Variants in LY96 observed in about 807,000 individuals in gnomAD.
The protein encoded by LY96 is myeloid differentiation protein-2.
In LY96, 18 loss-of-function variants were observed where a neutral mutation model predicts 18.9. The ratio of observed to expected loss-of-function variants is 0.95; its 90% CI spans 0.66 to 1.41. The LOEUF (loss-of-function observed/expected upper bound fraction) is 1.41, where lower values mean the gene tolerates loss of function less well. LY96 is among the 40% of genes most tolerant of loss of function. The pLI is 0.00. For synonymous variants in LY96, 66 were observed against 62.6 expected (o/e 1.06, Z -0.26); for missense variants, 175 against 182.4 (o/e 0.96, Z 0.23).
At chr8:74,025,530 C>T (rs754016984) in intron 3 of LY96, among the ~76,000 whole-genome samples, 3 of 151,678 alleles carry the variant, frequency 2.0e-5, no homozygotes, top group Non-Finnish European at 4.4e-5. Context: ...TGGTGGGTGT[C>T]TGTAATCCCA....
the LY96 span, among the ~76,000 whole-genome samples, chr8:74,097,998 G>T: frequency 0.055 from 8,384 of 152,170 alleles, 413 homozygotes; most frequent in African/African-American, 0.13. Context: ...TTTAGAGCAG[G>T]TATGGTTTTT....
the LY96 span, among the ~76,000 whole-genome samples, chr8:74,098,941 G>A: frequency 6.6e-6 from 1 of 152,144 alleles, no homozygotes; most frequent in Non-Finnish European, 1.5e-5. Flanking sequence ...TTATAGAACA[G>A]GAAAATGAAA....
intron 2 of LY96, 118 bp from the exon 3 acceptor site, chr8:74,009,883 A>G (rs111808377): frequency 1.3e-6 from 1 of 745,634 alleles, no homozygotes; most frequent in East Asian, 2.7e-5. Context: ...AGTTGTGATG[A>G]TTAAATGAAA....
chr8:74,051,565 C>T, the LY96 span, among the ~76,000 whole-genome samples: 2,706 of 152,156 alleles, frequency 0.018, 99 homozygotes, highest in Admixed American at 0.079. Flanking sequence ...GTGTGGCTTC[C>T]CCAAAATTCC....
chr8:74,012,900 G>A (rs1816558620), intron 3 of LY96, among the ~76,000 whole-genome samples: 1 of 151,748 alleles, frequency 6.6e-6, no homozygotes, highest in African/African-American at 2.4e-5. Flanking sequence ...AGAACTATAT[G>A]TTATTGGTTT....
chr8:74,097,573 G>A, the LY96 span, among the ~76,000 whole-genome samples: 1 of 152,224 alleles, frequency 6.6e-6, no homozygotes, highest in East Asian at 1.9e-4. Context: ...GCTGGGTGTG[G>A]TGATGTGTGA....
the LY96 span, among the ~76,000 whole-genome samples, chr8:74,077,268 C>T: frequency 7.9e-5 from 12 of 152,174 alleles, no homozygotes; most frequent in Admixed American, 7.9e-4. Flanking sequence ...CCAGATACTT[C>T]ATTAGCATAA....
chr8:74,074,247 G>A, the LY96 span, among the ~76,000 whole-genome samples: 11 of 152,300 alleles, frequency 7.2e-5, no homozygotes, highest in African/African-American at 2.4e-4. Flanking sequence ...TAATCCACCT[G>A]CCTCAGCTTC....
chr8:74,055,067 C>T, the LY96 span, among the ~76,000 whole-genome samples: 4 of 152,020 alleles, frequency 2.6e-5, no homozygotes, highest in Non-Finnish European at 4.4e-5. Context: ...ACCACCATGC[C>T]TGGCTAATTT....
the LY96 span, among the ~76,000 whole-genome samples, chr8:74,066,889 T>A: frequency 2.0e-5 from 3 of 151,978 alleles, no homozygotes; most frequent in Non-Finnish European, 4.4e-5. Context: ...GCTAAAGAGG[T>A]TCAGGCAGGG....
At chr8:74,041,707 C>G in the LY96 span, among the ~76,000 whole-genome samples, 1 of 145,392 alleles carries the variant, frequency 6.9e-6, no homozygotes, top group South Asian at 2.1e-4. Context: ...GGTGGGGAAA[C>G]CCCCCCCACC....
the LY96 span, among the ~76,000 whole-genome samples, chr8:74,039,876 A>T: frequency 2.6e-5 from 4 of 152,192 alleles, no homozygotes; most frequent in Non-Finnish European, 4.4e-5. Context: ...AGGCCTCTGG[A>T]TGACTGCGGG....
intron 3 of LY96, among the ~76,000 whole-genome samples, chr8:74,012,132 T>C (rs1457540867): frequency 6.6e-6 from 1 of 152,130 alleles, no homozygotes; most frequent in Non-Finnish European, 1.5e-5. Context: ...AATATGGAGA[T>C]TTATCAAAGA....
rs1041382505 is a variant in LY96, at chr8:74,029,070, T to A, written c.*16T>A. 6.8e-6 allele frequency: 10 copies of A among 1,475,576 alleles called. No individual in the cohort carries two copies. The highest frequency in any genetic ancestry group is 2.3e-5 in the East Asian group (1 of 43,788). The allele number at this position is 1,475,576 out of a possible 1,614,324, so 91.4% of individuals were successfully genotyped here. On this transcript the variant is annotated 3_prime_UTR_variant, in exon 5 of 5. Transcript: ENST00000284818. ...TTCAAATTAGAATAAATTGAGTATT[T>A]AAAAAAAAATTTAAAGGTATTGTTC... is the stretch of plus-strand genomic sequence containing the variant.
intron 1 of LY96, among the ~76,000 whole-genome samples, chr8:73,993,773 C>T (rs1816061888): frequency 6.6e-6 from 1 of 151,322 alleles, no homozygotes; most frequent in Admixed American, 6.6e-5. Flanking sequence ...GAGATGGAGT[C>T]TTGCTATATT....
chr8:73,996,381 CTTTCTTTCTTTCTTTCTTTCTTTCTTT>C (rs1563707913), intron 1 of LY96, among the ~76,000 whole-genome samples: 1,688 of 41,266 alleles, frequency 0.041, 19 homozygotes, highest in Middle Eastern at 0.095. Flanking sequence ...TCCTTTCTTT[CTTTCTTTCTTTCTTTCTTTCTTTCTTT>C]CTTTCTTTCT....
intron 1 of LY96, among the ~76,000 whole-genome samples, chr8:74,003,799 G>A (rs1466606011): frequency 6.6e-6 from 1 of 152,172 alleles, no homozygotes; most frequent in Non-Finnish European, 1.5e-5. Flanking sequence ...CCTTTGAGAT[G>A]AGTCAGCCTA....
chr8:74,051,724 G>C, the LY96 span, among the ~76,000 whole-genome samples: 2 of 152,142 alleles, frequency 1.3e-5, no homozygotes, highest in African/African-American at 4.8e-5. Flanking sequence ...CAACACGTGA[G>C]GACATAGTGA....
At chr8:74,086,786 G>A in the LY96 span, among the ~76,000 whole-genome samples, 1 of 152,198 alleles carries the variant, frequency 6.6e-6, no homozygotes, top group Non-Finnish European at 1.5e-5. Flanking sequence ...TTATAAAAGA[G>A]GTGCCAGTGA....
Sources: gnomAD v4.1 joint callset for allele counts (sites outside exome capture counted in the v4.1 genomes callset) on GRCh38, gnomAD v4.1.1 for gene constraint, MANE v1.5 for transcripts, NCBI Gene and HGNC (gene_info 2026-07-23, HGNC 2026-07-21) for gene names.